The following CACNA2D1 variants were observed in gnomAD, a reference collection of about 807,000 sequenced individuals.
CACNA2D1 encodes voltage-dependent calcium channel subunit alpha-2/delta-1.
CACNA2D1 carries 53 observed loss-of-function variants against 171.5 expected under a neutral mutation model. That is an observed-to-expected ratio of 0.31 (90% CI 0.25 to 0.39). The LOEUF (loss-of-function observed/expected upper bound fraction) is 0.39. CACNA2D1 is among the 10% of genes least tolerant of loss of function. CACNA2D1 has a pLI of 1.00. For missense variants in CACNA2D1, 903 were observed against 1,299.8 expected, an observed-to-expected ratio of 0.69 and a Z score of 4.69; for synonymous variants, 442 against 443.1, an observed-to-expected ratio of 1.00 and a Z score of 0.03.
At chr7:82,196,619 A>G (rs2129196940) in intron 3 of CACNA2D1, among the ~76,000 whole-genome samples, 1 of 152,220 alleles carries the variant, frequency 6.6e-6, no homozygotes, top group South Asian at 2.1e-4. Context: ...GAAGCACAAG[A>G]GAAAACAGGG....
chr7:82,060,211 A>ATATATATT (rs374742133), intron 10 of CACNA2D1, among the ~76,000 whole-genome samples: 2 of 31,366 alleles, frequency 6.4e-5, no homozygotes, highest in African/African-American at 2.1e-4. Flanking sequence ...TTATATATAT[A>ATATATATT]ATATATATAT....
intron 25 of CACNA2D1, among the ~76,000 whole-genome samples, chr7:81,972,269 A>G (rs569092445): frequency 2.6e-5 from 4 of 151,456 alleles, no homozygotes; most frequent in East Asian, 3.9e-4. Context: ...TAAAATTTAT[A>G]TATATAGAAA....
chr7:82,356,723 GAA>G (rs933488050), intron 1 of CACNA2D1, among the ~76,000 whole-genome samples: 1 of 146,788 alleles, frequency 6.8e-6, no homozygotes, highest in Admixed American at 6.8e-5. Flanking sequence ...ATCCACATCA[GAA>G]AAAAAAAATG....
At chr7:82,104,531 T>C (rs932533711) in intron 6 of CACNA2D1, among the ~76,000 whole-genome samples, 22 of 152,060 alleles carry the variant, frequency 1.4e-4, no homozygotes, top group Admixed American at 1.3e-4. Flanking sequence ...TATTCAAATG[T>C]TCACTGAATA....
At chr7:82,127,837 C>T (rs1013548447) in intron 5 of CACNA2D1, among the ~76,000 whole-genome samples, 2 of 152,148 alleles carry the variant, frequency 1.3e-5, no homozygotes, top group African/African-American at 4.8e-5. Flanking sequence ...TCCAGTAAGG[C>T]CATATGTGCC....
rs566204062 is a variant in CACNA2D1, at chr7:82,060,204, T to C, written c.879+224A>G. Among the ~76,000 whole-genome samples, 2,658 of 31,426 alleles carry C rather than the reference T, an allele frequency of 0.085. 578 individuals are homozygous for C. Among genetic ancestry groups the C allele is most frequent in the African/African-American group, 0.24 (2,461 of 10,376 alleles). 20.6% of individuals were successfully genotyped at this position (31,426 alleles called of 152,430 possible). On this transcript the variant is annotated intron_variant, in intron 10 of 38. Transcript: ENST00000356860. Reference sequence around the variant, plus strand: ...ATATATATATATTATATATATATTATATATATAATATATATATAATATATA... The same window carrying C: ...ATATATATATATTATATATATATTACATATATAATATATATATAATATATA...
intron 5 of CACNA2D1, among the ~76,000 whole-genome samples, chr7:82,129,285 C>T (rs1790686464): frequency 6.6e-6 from 1 of 152,160 alleles, no homozygotes; most frequent in Non-Finnish European, 1.5e-5. Flanking sequence ...TCCAAATCTA[C>T]AATTATATAC....
At chr7:82,113,061 A>C (rs1788638421) in intron 6 of CACNA2D1, among the ~76,000 whole-genome samples, 1 of 152,146 alleles carries the variant, frequency 6.6e-6, no homozygotes, top group Admixed American at 6.5e-5. Flanking sequence ...TTTTACTTCT[A>C]AAACGTAAAT....
At chr7:82,394,649 TG>T in intron 1 of CACNA2D1, among the ~76,000 whole-genome samples, 1 of 152,210 alleles carries the variant, frequency 6.6e-6, no homozygotes, top group Admixed American at 6.5e-5. Flanking sequence ...GGGGCTTTTT[TG>T]GTTTTGTTTG....
intron 3 of CACNA2D1, among the ~76,000 whole-genome samples, chr7:82,328,373 T>C (rs1279290364): frequency 1.3e-5 from 2 of 152,152 alleles, no homozygotes; most frequent in Non-Finnish European, 2.9e-5. Context: ...TGAGGGTGTT[T>C]TATATCTTCT....
intron 4 of CACNA2D1, among the ~76,000 whole-genome samples, chr7:82,143,957 C>T (rs1176089332): frequency 1.3e-5 from 2 of 152,160 alleles, no homozygotes; most frequent in African/African-American, 4.8e-5. Context: ...ACTGTTTATT[C>T]ACCCAATCTA....
intron 3 of CACNA2D1, among the ~76,000 whole-genome samples, chr7:82,284,174 A>AT (rs1296325961): frequency 6.6e-6 from 1 of 151,382 alleles, no homozygotes; most frequent in Non-Finnish European, 1.5e-5. Flanking sequence ...CCTGGGCAAC[A>AT]TAAGAGCCTT....
intron 1 of CACNA2D1, among the ~76,000 whole-genome samples, chr7:82,398,438 G>T (rs1825973283): frequency 6.6e-6 from 1 of 152,188 alleles, no homozygotes; most frequent in African/African-American, 2.4e-5. Flanking sequence ...ACATATGTGT[G>T]TATGTGTATA....
chr7:82,335,637 G>A (rs966475903), intron 2 of CACNA2D1, among the ~76,000 whole-genome samples: 7 of 152,230 alleles, frequency 4.6e-5, no homozygotes, highest in East Asian at 1.9e-4. Context: ...AAACCTGGAG[G>A]AGTGTGGAAA....
chr7:82,433,631 A>G (rs1199068738), intron 1 of CACNA2D1, among the ~76,000 whole-genome samples: 1 of 152,108 alleles, frequency 6.6e-6, no homozygotes, highest in Non-Finnish European at 1.5e-5. Context: ...TCATCCATCA[A>G]TCATGGCATC....
intron 3 of CACNA2D1, among the ~76,000 whole-genome samples, chr7:82,210,873 G>A (rs1460146087): frequency 6.6e-6 from 1 of 152,134 alleles, no homozygotes; most frequent in Admixed American, 6.6e-5. Flanking sequence ...CTCAACTCAT[G>A]TTTGTTTAAT....
chr7:82,141,374 T>A (rs534713835), intron 4 of CACNA2D1, among the ~76,000 whole-genome samples: 62 of 149,018 alleles, frequency 4.2e-4, no homozygotes, highest in Middle Eastern at 6.9e-3. Flanking sequence ...GGAGGAAATT[T>A]AAAAAAAAAA....
intron 7 of CACNA2D1, 63 bp downstream of exon 7, chr7:82,084,706 C>T (rs1268423060): frequency 1.3e-6 from 2 of 1,561,874 alleles, no homozygotes; most frequent in Non-Finnish European, 8.8e-7. Flanking sequence ...GGGAAGATAA[C>T]AGAGTATTCT....
chr7:82,438,095 C>A (rs1197620848), intron 1 of CACNA2D1, among the ~76,000 whole-genome samples: 1 of 152,124 alleles, frequency 6.6e-6, no homozygotes, highest in Non-Finnish European at 1.5e-5. Flanking sequence ...TAACCCGTCT[C>A]TATAGGACTT....
Sources: gnomAD v4.1 joint callset for allele counts (sites outside exome capture counted in the v4.1 genomes callset) on GRCh38, gnomAD v4.1.1 for gene constraint, MANE v1.5 for transcripts, NCBI Gene and HGNC (gene_info 2026-07-23, HGNC 2026-07-21) for gene names.